ARL8A: variants seen among roughly 807,000 people sequenced by gnomAD.
ARL8A encodes ADP-ribosylation factor-like protein 8A.
Under a neutral mutation model 31.2 loss-of-function variants are expected in ARL8A, and 10 were observed. That is an observed-to-expected ratio of 0.32 (90% CI 0.20 to 0.54). ARL8A has a LOEUF of 0.54. Among genes scored for constraint, ARL8A ranks in the 20% least tolerant of loss-of-function variants. The probability of loss-of-function intolerance (pLI) is 0.93; values close to 1 mark genes in which losing one functional copy is unlikely to be tolerated. For missense variants in ARL8A, 129 were observed against 242.8 expected (o/e 0.53, Z 3.12); for synonymous variants, 70 against 86.9 (o/e 0.81, Z 1.08).
chr1:202,142,457 T>C (rs1281383104), intron 1 of ARL8A, among the ~76,000 whole-genome samples: 1 of 152,166 alleles, frequency 6.6e-6, no homozygotes, highest in East Asian at 1.9e-4. Flanking sequence ...GCAATGCCAG[T>C]GTGGTAGCCC....
intron 1 of ARL8A, among the ~76,000 whole-genome samples, chr1:202,143,133 G>A (rs1367752287): frequency 6.6e-6 from 1 of 152,248 alleles, no homozygotes; most frequent in East Asian, 1.9e-4. Flanking sequence ...TGTCAGGTCA[G>A]GAGACAGGAG....
In ARL8A at chr1:202,135,447, C is replaced by T. The variant is rs369366896; in HGVS notation, c.440+12G>A. 1.2e-6 allele frequency: 2 copies of T among 1,613,372 alleles called. No homozygotes were observed. The highest frequency in any genetic ancestry group is 1.7e-6 in the Non-Finnish European group (2 of 1,179,458). On this transcript the variant is annotated intron_variant, in intron 5 of 6. Coordinates refer to ENST00000272217, the MANE Select transcript of ARL8A (RefSeq NM_138795.4). This position sits in a 1 kb window ranked among gnomAD's most constrained non-coding sequence, Gnocchi z 5.3. ...GGGAGAGCAGAAAGTAATATAGAGTCACCCAACTCACATTTTCTCAATCAG... is the reference window on the plus strand; with the variant it reads ...GGGAGAGCAGAAAGTAATATAGAGTTACCCAACTCACATTTTCTCAATCAG...
At position 202,135,139 on chromosome 1, in the gene ARL8A, A is replaced by C; in HGVS notation, c.511+11T>G. The C allele has an allele frequency of 6.2e-7, 1 of 1,612,262 alleles. No individual in the cohort carries two copies. The highest frequency in any genetic ancestry group is 8.5e-7 in the Non-Finnish European group (1 of 1,178,362). On this transcript the variant is annotated intron_variant, in intron 6 of 6. Transcript: ENST00000272217. This position sits in a 1 kb window ranked among gnomAD's most constrained non-coding sequence, Gnocchi z 5.3. ...CTCTCCCCTCTCCTCCCTTTCCCCC[A>C]TCCTACGCACCAATGTTGTCCTTTT...
intron 1 of ARL8A, among the ~76,000 whole-genome samples, chr1:202,139,632 CTTTTTTTTTTTTTTT>C (rs71141457): frequency 4.0e-5 from 2 of 50,568 alleles, no homozygotes; most frequent in Admixed American, 3.6e-4. Flanking sequence ...AGCCCTGTTC[CTTTTTTTTTTTTTTT>C]TTTTTTTTTT....
At chr1:202,142,579 C>A (rs1219698756) in intron 1 of ARL8A, among the ~76,000 whole-genome samples, 5 of 152,202 alleles carry the variant, frequency 3.3e-5, no homozygotes, top group African/African-American at 1.2e-4. Context: ...AGCTTGCCTG[C>A]TCTTTTAGAA....
At chr1:202,136,365 C>G (rs958132153) in intron 3 of ARL8A, among the ~76,000 whole-genome samples, 1 of 151,592 alleles carries the variant, frequency 6.6e-6, no homozygotes, top group Admixed American at 6.6e-5. Context: ...CTGCCACCTC[C>G]GCCTGCCAGG....
intron 1 of ARL8A, among the ~76,000 whole-genome samples, chr1:202,139,660 T>A (rs1351611666): frequency 1.2e-5 from 1 of 84,166 alleles, no homozygotes. Flanking sequence ...TTTTTTTTTT[T>A]TCTGAGACAG....
At position 202,138,328 on chromosome 1, in the gene ARL8A, A is replaced by ACACACACACACACACACAC. The variant is rs762466601; in HGVS notation, c.204+39_204+40insGTGTGTGTGTGTGTGTGTG. On this transcript the variant is annotated intron_variant, in intron 2 of 6. Coordinates refer to ENST00000272217, the MANE Select transcript of ARL8A (RefSeq NM_138795.4). This position sits in a 1 kb window ranked among gnomAD's most constrained non-coding sequence, Gnocchi z 4.4. Reference sequence around the variant, plus strand: ...ACACACACACACACACACACACACAAAAACAGTCCTCTGCACCCCCCAAGC... The same window carrying ACACACACACACACACACAC: ...ACACACACACACACACACACACACAACACACACACACACACACACAAACAGTCCTCTGCACCCCCCAAGC... 3 of 1,463,854 alleles carry ACACACACACACACACACAC rather than the reference A, an allele frequency of 2.0e-6. No homozygotes were observed. The highest frequency in any genetic ancestry group is 3.4e-5 in the African/African-American group (2 of 59,390). 90.7% of individuals were successfully genotyped at this position (1,463,854 alleles called of 1,614,324 possible).
Position 202,135,026 on chromosome 1 carries a change from C to T in ARL8A, c.511+124G>A. On this transcript the variant is annotated intron_variant, in intron 6 of 6. Coordinates refer to ENST00000272217, the MANE Select transcript of ARL8A (RefSeq NM_138795.4). The surrounding 1 kb of genome is among the most constrained non-coding windows in gnomAD (Gnocchi z 5.3). ...GCCCAGAATCTGGGCCACCTGGCTG[C>T]CTTTTCTACCCAAGAGCCACAGGGC... is the stretch of plus-strand genomic sequence containing the variant. The T allele has an allele frequency of 1.0e-6, 1 of 954,276 alleles. No individual in the cohort carries two copies. 59.1% of individuals were successfully genotyped at this position (954,276 alleles called of 1,614,324 possible).
At chr1:202,143,434 TCA>T (rs1450928687) in intron 1 of ARL8A, among the ~76,000 whole-genome samples, 2 of 152,180 alleles carry the variant, frequency 1.3e-5, no homozygotes, top group East Asian at 3.9e-4. Context: ...TCTGGCCAAC[TCA>T]CAGTTGTGGG....
chr1:202,142,140 T>A (rs902970986), intron 1 of ARL8A, among the ~76,000 whole-genome samples: 7 of 152,262 alleles, frequency 4.6e-5, no homozygotes, highest in Non-Finnish European at 1.0e-4. Flanking sequence ...TTGCTGGGAT[T>A]ACAGGCGTGA....
chr1:202,144,422 G>T lies in ARL8A; in HGVS notation c.123+28C>A. Reference sequence around the variant, plus strand: ...CAGGCCCGACCCGCGGCCCGCGCCCGGGGACCCCGCGCCCGACGCCCTCGT... The same window carrying T: ...CAGGCCCGACCCGCGGCCCGCGCCCTGGGACCCCGCGCCCGACGCCCTCGT... On this transcript the variant is annotated intron_variant, in intron 1 of 6. Coordinates refer to ENST00000272217, the MANE Select transcript of ARL8A (RefSeq NM_138795.4). This position sits in a 1 kb window ranked among gnomAD's most constrained non-coding sequence, Gnocchi z 5.2. The T allele has an allele frequency of 7.4e-7, 1 of 1,358,290 alleles. No homozygotes were observed. 84.1% of individuals were successfully genotyped at this position (1,358,290 alleles called of 1,614,324 possible).
At chr1:202,140,392 C>T (rs938636227) in intron 1 of ARL8A, among the ~76,000 whole-genome samples, 28 of 151,644 alleles carry the variant, frequency 1.8e-4, no homozygotes, top group Admixed American at 1.7e-3. Flanking sequence ...CCGCCCACCT[C>T]GGCCTCCCAA....
chr1:202,138,770 A>G lies in ARL8A; in HGVS notation c.124-322T>C, dbSNP rs569292984. On this transcript the variant is annotated intron_variant, in intron 1 of 6. Transcript: ENST00000272217. This position sits in a 1 kb window ranked among gnomAD's most constrained non-coding sequence, Gnocchi z 4.4. ...TGACGCCACTTTCTCTCCAGTGGAG[A>G]GGAAGAAGAAATTACCTTCCAGCAA... 5.9e-5 allele frequency among the ~76,000 whole-genome samples: 9 copies of G among 152,324 alleles called. No homozygotes were observed. The highest frequency in any genetic ancestry group is 5.9e-4 in the Admixed American group (9 of 15,308).
At position 202,135,266 on chromosome 1, in the gene ARL8A, G is replaced by C. The variant is rs755214681; in HGVS notation, c.441-46C>G. 1.9e-6 allele frequency: 3 copies of C among 1,575,004 alleles called. No individual in the cohort carries two copies. The highest frequency in any genetic ancestry group is 1.4e-5 in the African/African-American group (1 of 73,992). On this transcript the variant is annotated intron_variant, in intron 5 of 6. Coordinates refer to ENST00000272217, the MANE Select transcript of ARL8A (RefSeq NM_138795.4). This position sits in a 1 kb window ranked among gnomAD's most constrained non-coding sequence, Gnocchi z 5.3. ...GTCCGCTGAGGCTACGAACGTCCAG[G>C]GGGCCTGGGGCTAGGGGACAGCGGG...
chr1:202,135,055 G>T lies in ARL8A; in HGVS notation c.511+95C>A. ...TTCTACCCAAGAGCCACAGGGCTTT[G>T]GACTTCAGGGAAAGTTGTGGAGCGA... On this transcript the variant is annotated intron_variant, in intron 6 of 6. Coordinates refer to ENST00000272217, the MANE Select transcript of ARL8A (RefSeq NM_138795.4). This position sits in a 1 kb window ranked among gnomAD's most constrained non-coding sequence, Gnocchi z 5.3. 2.3e-6 allele frequency: 3 copies of T among 1,283,368 alleles called. No individual in the cohort carries two copies. Among genetic ancestry groups the T allele is most frequent in the East Asian group, 2.3e-5 (1 of 43,134 alleles). 79.5% of individuals were successfully genotyped at this position (1,283,368 alleles called of 1,614,324 possible). A position where few individuals can be genotyped will look rare whatever the true frequency, so the allele number is the denominator to read the frequency against.
Position 202,135,165 on chromosome 1 carries a change from C to T in ARL8A, c.496G>A (p.Glu166Lys). ...TCCTACGCACCAATGTTGTCCTTTT[C>T]TTTGCAAGAGATGGAGTAGCAGCAG... ...EICCYSISCK[E>K]KDNIDITLQW... The change falls in exon 6 of 7, where the codon GAA becomes AAA. Residue 166 changes from glutamate to lysine, a missense_variant. Glu to Lys is a moderately conservative substitution (Grantham distance 56, BLOSUM62 1). Transcript: ENST00000272217. This position sits in a 1 kb window ranked among gnomAD's most constrained non-coding sequence, Gnocchi z 5.3. 1 of 1,614,072 alleles carries T rather than the reference C, an allele frequency of 6.2e-7. No individual in the cohort carries two copies. The highest frequency in any genetic ancestry group is 8.5e-7 in the Non-Finnish European group (1 of 1,179,936).
At chr1:202,137,424 T>C (rs1451465393) in intron 3 of ARL8A, among the ~76,000 whole-genome samples, 1 of 152,050 alleles carries the variant, frequency 6.6e-6, no homozygotes, top group African/African-American at 2.4e-5. Context: ...GGTCGGGAGT[T>C]CAAGACCAGC....
chr1:202,140,029 G>A (rs1655124299), intron 1 of ARL8A, among the ~76,000 whole-genome samples: 1 of 152,134 alleles, frequency 6.6e-6, no homozygotes, highest in Admixed American at 6.6e-5. Flanking sequence ...GAGATCAGGG[G>A]CCCTGACCAT....
Sources: allele counts gnomAD v4.1 joint callset (sites outside exome capture counted in the v4.1 genomes callset), GRCh38; gene constraint gnomAD v4.1.1; non-coding constraint Gnocchi (gnomAD v3.1); transcripts MANE v1.5; gene names NCBI Gene and HGNC (gene_info 2026-07-23, HGNC 2026-07-21).